PDE1C: variants seen among roughly 807,000 people sequenced by gnomAD.
The protein encoded by PDE1C is dual specificity calcium/calmodulin-dependent 3',5'-cyclic nucleotide phosphodiesterase 1C.
A neutral mutation model predicts 93.1 loss-of-function variants in PDE1C; 62 were observed. The observed-to-expected ratio is 0.67, with a 90% CI of 0.54 to 0.82. PDE1C has a LOEUF of 0.82. Ranked by LOEUF, PDE1C falls within the 40% of genes least tolerant of loss-of-function variation. The pLI is 0.00. For missense variants in PDE1C, 742 were observed against 884.6 expected, an observed-to-expected ratio of 0.84 and a Z score of 2.04; for synonymous variants, 325 against 310.1, an observed-to-expected ratio of 1.05 and a Z score of -0.50.
chr7:31,930,260 T>C (rs192892774), intron 2 of PDE1C, among the ~76,000 whole-genome samples: 1 of 152,206 alleles, frequency 6.6e-6, no homozygotes, highest in Non-Finnish European at 1.5e-5. Flanking sequence ...ATTGAGGCAG[T>C]AATTAATAGA....
chr7:32,030,126 A>G (rs1244989482), intron 2 of PDE1C, among the ~76,000 whole-genome samples: 1 of 126,608 alleles, frequency 7.9e-6, no homozygotes, highest in African/African-American at 2.9e-5. Flanking sequence ...CACACACACA[A>G]AGTGACAATA....
intron 2 of PDE1C, among the ~76,000 whole-genome samples, chr7:31,982,958 G>GA (rs1812588319): frequency 1.3e-5 from 2 of 152,276 alleles, no homozygotes; most frequent in African/African-American, 4.8e-5. Flanking sequence ...TACTATCTGA[G>GA]AAAATGGGAA....
chr7:32,137,530 G>A (rs1800280070), intron 3 of PDE1C, among the ~76,000 whole-genome samples: 1 of 152,206 alleles, frequency 6.6e-6, no homozygotes, highest in Non-Finnish European at 1.5e-5. Context: ...TCAACCTGAT[G>A]GGGAATGGTC....
the PDE1C span, among the ~76,000 whole-genome samples, chr7:31,678,650 G>A: frequency 6.6e-6 from 1 of 152,088 alleles, no homozygotes; most frequent in Non-Finnish European, 1.5e-5. Context: ...CAATTCTGTA[G>A]GACAGTTATT....
the PDE1C span, among the ~76,000 whole-genome samples, chr7:31,655,509 C>T: frequency 4.6e-5 from 7 of 152,142 alleles, no homozygotes; most frequent in Non-Finnish European, 1.0e-4. Flanking sequence ...ACAGTGAATA[C>T]CCAGAAAGTA....
chr7:31,989,776 T>C (rs1783934511), intron 2 of PDE1C, among the ~76,000 whole-genome samples: 1 of 152,218 alleles, frequency 6.6e-6, no homozygotes, highest in South Asian at 2.1e-4. Context: ...GTCTCAGCTT[T>C]CTCCTGGGCA....
At chr7:31,975,666 T>C (rs1163394182) in intron 2 of PDE1C, among the ~76,000 whole-genome samples, 1 of 152,198 alleles carries the variant, frequency 6.6e-6, no homozygotes, top group African/African-American at 2.4e-5. Flanking sequence ...ACTATATATA[T>C]GACTATACAA....
At chr7:31,935,998 G>A (rs187125233) in intron 2 of PDE1C, among the ~76,000 whole-genome samples, 56 of 152,254 alleles carry the variant, frequency 3.7e-4, no homozygotes, top group Non-Finnish European at 1.6e-4. Flanking sequence ...GGGGAACATA[G>A]GAGGGAATGC....
chr7:31,694,397 C>CACACACACACACACACACACAT, the PDE1C span, among the ~76,000 whole-genome samples: 1 of 151,678 alleles, frequency 6.6e-6, no homozygotes, highest in African/African-American at 2.4e-5. Flanking sequence ...AACACACACA[C>CACACACACACACACACACACAT]ACACACACAC....
intron 2 of PDE1C, among the ~76,000 whole-genome samples, chr7:31,889,945 T>C (rs1562978818): frequency 6.6e-6 from 1 of 152,192 alleles, no homozygotes; most frequent in Non-Finnish European, 1.5e-5. Flanking sequence ...CCTGTTTTTA[T>C]TGCCAATCAA....
At chr7:31,948,253 C>G (rs542321535) in intron 2 of PDE1C, among the ~76,000 whole-genome samples, 22 of 152,160 alleles carry the variant, frequency 1.4e-4, no homozygotes, top group Non-Finnish European at 3.1e-4. Context: ...CTTGCCTTAG[C>G]AATAGAGTTA....
At chr7:32,109,926 T>C (rs1798551021) in intron 3 of PDE1C, among the ~76,000 whole-genome samples, 1 of 152,194 alleles carries the variant, frequency 6.6e-6, no homozygotes, top group Non-Finnish European at 1.5e-5. Context: ...CAACAGAGTT[T>C]GTTAATAAAC....
At chr7:31,695,639 C>T in the PDE1C span, 1 of 1,604,704 alleles carries the variant, frequency 6.2e-7, no homozygotes, top group Admixed American at 1.7e-5. Context: ...ACAAAGTCAT[C>T]TGCACAGCTG....
rs908109260 is a variant in PDE1C at position 32,070,255 on chromosome 7, C to T, written c.101+38G>A. On this transcript the variant is annotated intron_variant, in intron 1 of 17. Coordinates refer to ENST00000396191, the MANE Select transcript of PDE1C (RefSeq NM_001191057.4). The stretch of plus-strand genomic sequence containing the variant: ...CTGTGTGGTAAAATAAGGATGGGAG[C>T]GGGAAATGGGGCAGGAGAAGTAAAT... 5.0e-6 allele frequency: 8 copies of T among 1,612,382 alleles called. No individual in the cohort carries two copies. The Admixed American group carries it at 5.0e-5, about 10-fold the overall frequency.
At chr7:31,777,183 A>C (rs1188520167) in intron 16 of PDE1C, among the ~76,000 whole-genome samples, 1 of 152,040 alleles carries the variant, frequency 6.6e-6, no homozygotes, top group Admixed American at 6.5e-5. Context: ...AAAAAGAAAA[A>C]GAATCTGAAG....
At chr7:31,792,779 C>G (rs1370858247) in intron 16 of PDE1C, among the ~76,000 whole-genome samples, 2 of 152,016 alleles carry the variant, frequency 1.3e-5, no homozygotes, top group Non-Finnish European at 2.9e-5. Context: ...AATGAGGACC[C>G]TGAAGACAAA....
intron 1 of PDE1C, among the ~76,000 whole-genome samples, chr7:32,308,032 A>AT (rs1160911370): frequency 6.6e-6 from 1 of 152,210 alleles, no homozygotes; most frequent in Non-Finnish European, 1.5e-5. Context: ...TCCCACCCTA[A>AT]TACTGCACTT....
At chr7:31,997,312 AG>A (rs1784838578) in intron 2 of PDE1C, among the ~76,000 whole-genome samples, 1 of 152,216 alleles carries the variant, frequency 6.6e-6, no homozygotes, top group East Asian at 1.9e-4. Flanking sequence ...GAGATGGCAC[AG>A]GTAAAGGATC....
At chr7:31,892,131 G>T (rs1259935466) in intron 2 of PDE1C, among the ~76,000 whole-genome samples, 2 of 152,188 alleles carry the variant, frequency 1.3e-5, no homozygotes, top group East Asian at 3.8e-4. Flanking sequence ...TTTTATAAGT[G>T]TCTCTCTGTT....
Sources: allele counts gnomAD v4.1 joint callset (sites outside exome capture counted in the v4.1 genomes callset), GRCh38; gene constraint gnomAD v4.1.1; transcripts MANE v1.5; gene names NCBI Gene and HGNC (gene_info 2026-07-23, HGNC 2026-07-21).